The following EYS variants were observed in gnomAD, a reference collection of about 807,000 sequenced individuals.
The protein encoded by EYS is EGF-like photoreceptor maintenance factor, also known as protein eyes shut homolog.
In EYS, 250 loss-of-function variants were observed where a neutral mutation model predicts 282.1. That is an observed-to-expected ratio of 0.89 (90% confidence interval 0.80 to 0.98). EYS has a LOEUF of 0.98. EYS is among the 50% of genes least tolerant of loss of function. EYS has a pLI of 0.00. For missense variants in EYS, 4,016 were observed against 3,709.0 expected, an observed-to-expected ratio of 1.08 and a Z score of -2.15; for synonymous variants, 1,355 against 1,282.9, an observed-to-expected ratio of 1.06 and a Z score of -1.20.
chr6:64,383,541 C>G (rs568705124), intron 29 of EYS, among the ~76,000 whole-genome samples: 1 of 152,204 alleles, frequency 6.6e-6, no homozygotes, highest in Non-Finnish European at 1.5e-5. Context: ...TACCACATAA[C>G]TTCTAGAAGG....
chr6:64,217,696 C>T (rs936747281), intron 31 of EYS, among the ~76,000 whole-genome samples: 5 of 152,040 alleles, frequency 3.3e-5, no homozygotes, highest in South Asian at 2.1e-4. Flanking sequence ...TTCCAAACTG[C>T]AAACAATGGG....
intron 22 of EYS, among the ~76,000 whole-genome samples, chr6:64,741,719 A>T (rs952012677): frequency 6.6e-5 from 10 of 152,206 alleles, no homozygotes; most frequent in East Asian, 1.9e-4. Flanking sequence ...TGGCTTTTTT[A>T]AAAAATTAAA....
intron 31 of EYS, among the ~76,000 whole-genome samples, chr6:64,110,265 G>A (rs900413551): frequency 3.3e-5 from 5 of 151,804 alleles, no homozygotes; most frequent in African/African-American, 1.2e-4. Context: ...AGACATTGGG[G>A]TAAAGAATGA....
chr6:64,055,567 C>A (rs1394783710), intron 33 of EYS, among the ~76,000 whole-genome samples: 2 of 152,014 alleles, frequency 1.3e-5, no homozygotes, highest in Non-Finnish European at 2.9e-5. Flanking sequence ...ATAAAGATTC[C>A]TTCTTTTGTT....
chr6:64,927,163 G>C (rs1768544954), intron 15 of EYS, among the ~76,000 whole-genome samples: 1 of 152,276 alleles, frequency 6.6e-6, no homozygotes, highest in South Asian at 2.1e-4. Flanking sequence ...GAAAAAAAAG[G>C]ATTATTAGCT....
chr6:64,456,009 AATTTAT>A (rs1775547956), intron 26 of EYS, among the ~76,000 whole-genome samples: 1 of 152,112 alleles, frequency 6.6e-6, no homozygotes, highest in African/African-American at 2.4e-5. Context: ...CATTTTTAAT[AATTTAT>A]ATTTAGGATA....
At position 65,673,498 on chromosome 6, in the gene EYS, C is replaced by G. The variant is rs1357395641; in HGVS notation, c.-447-33606G>C. Among the ~76,000 whole-genome samples, 7 of 152,106 alleles carry G rather than the reference C, an allele frequency of 4.6e-5. No homozygotes were observed. The East Asian group carries it at 1.4e-3, about 30-fold the overall frequency. On this transcript the variant is annotated intron_variant, in intron 1 of 42. Transcript: ENST00000503581. ...ATTTAAGGACTAAGAATTGGGAGGA[C>G]CCAGGACATACACTTAGAGAGTGGC...
At chr6:64,381,443 T>A (rs541463193) in intron 29 of EYS, among the ~76,000 whole-genome samples, 1 of 152,322 alleles carries the variant, frequency 6.6e-6, no homozygotes, top group South Asian at 2.1e-4. Flanking sequence ...GGGAAATTTA[T>A]ATAATGGGGA....
intron 12 of EYS, among the ~76,000 whole-genome samples, chr6:65,080,780 G>T (rs1774210694): frequency 6.6e-6 from 1 of 151,904 alleles, no homozygotes; most frequent in Non-Finnish European, 1.5e-5. Context: ...TAATAAATTG[G>T]CTAGAAACAC....
chr6:64,626,982 A>G (rs990203472), intron 22 of EYS, among the ~76,000 whole-genome samples: 3 of 152,214 alleles, frequency 2.0e-5, no homozygotes, highest in African/African-American at 4.8e-5. Flanking sequence ...GAAAGAGTCA[A>G]TAGGTCAGAG....
At chr6:65,227,333 G>T (rs953986301) in intron 12 of EYS, among the ~76,000 whole-genome samples, 1 of 152,078 alleles carries the variant, frequency 6.6e-6, no homozygotes, top group Non-Finnish European at 1.5e-5. Flanking sequence ...ACAGTTAATT[G>T]GGTATGAGTT....
At chr6:64,871,046 T>C (rs1400508592) in intron 19 of EYS, among the ~76,000 whole-genome samples, 1 of 151,870 alleles carries the variant, frequency 6.6e-6, no homozygotes, top group Non-Finnish European at 1.5e-5. Flanking sequence ...TTAAATTATC[T>C]TACATTCAAC....
chr6:64,502,507 C>T (rs1352844244), intron 26 of EYS, among the ~76,000 whole-genome samples: 1 of 152,204 alleles, frequency 6.6e-6, no homozygotes, highest in Non-Finnish European at 1.5e-5. Flanking sequence ...CAGGCGTGAG[C>T]CACTGCGCTC....
intron 3 of EYS, 32 bp from the exon 4 acceptor site, chr6:65,495,639 G>T: frequency 3.4e-6 from 2 of 583,386 alleles, no homozygotes; most frequent in Admixed American, 6.2e-5. Context: ...TATTGTTAGT[G>T]AAGTTTTCCC....
chr6:64,804,360 A>G (rs995075478), intron 22 of EYS, among the ~76,000 whole-genome samples: 2 of 152,192 alleles, frequency 1.3e-5, no homozygotes, highest in Non-Finnish European at 2.9e-5. Context: ...AGTAAATTAA[A>G]AGAAGTGTGA....
chr6:64,488,426 C>T (rs565434430), intron 26 of EYS, among the ~76,000 whole-genome samples: 6 of 151,154 alleles, frequency 4.0e-5, no homozygotes, highest in Admixed American at 6.6e-5. Context: ...TTACAAAGTG[C>T]TATTGTGGTT....
chr6:64,104,181 T>C (rs1026500970), intron 31 of EYS, among the ~76,000 whole-genome samples: 3 of 152,050 alleles, frequency 2.0e-5, no homozygotes, highest in African/African-American at 4.8e-5. Flanking sequence ...GGTAACCTTA[T>C]AGGAATCTGA....
intron 5 of EYS, among the ~76,000 whole-genome samples, chr6:65,430,255 C>G (rs1185014265): frequency 1.3e-5 from 2 of 152,112 alleles, no homozygotes. Context: ...CTGAAAGAAG[C>G]ACTGAACTCA....
intron 22 of EYS, among the ~76,000 whole-genome samples, chr6:64,730,378 A>C (rs567140101): frequency 6.6e-6 from 1 of 152,366 alleles, no homozygotes; most frequent in South Asian, 2.1e-4. Flanking sequence ...GATAGATAGC[A>C]AACAAAGGCA....
Sources: gnomAD v4.1 joint callset for allele counts (sites outside exome capture counted in the v4.1 genomes callset) on GRCh38, gnomAD v4.1.1 for gene constraint, MANE v1.5 for transcripts, NCBI Gene and HGNC (gene_info 2026-07-23, HGNC 2026-07-21) for gene names.